Variants in GUCD1 observed in about 807,000 individuals in gnomAD.
GUCD1 encodes the protein protein GUCD1.
GUCD1 carries 17 observed loss-of-function variants against 28.3 expected under a neutral mutation model. The ratio of observed to expected loss-of-function variants is 0.60; its 90% confidence interval spans 0.41 to 0.90. The LOEUF (loss-of-function observed/expected upper bound fraction) is 0.90, where lower values mean the gene tolerates loss of function less well. GUCD1 is among the 40% of genes least tolerant of loss of function. The pLI, the probability that GUCD1 is intolerant of heterozygous loss-of-function variation, is 0.00. For synonymous variants in GUCD1, 129 were observed against 123.3 expected (o/e 1.05, Z -0.30); for missense variants, 279 against 305.5 (o/e 0.91, Z 0.65).
intron 1 of GUCD1, among the ~76,000 whole-genome samples, chr22:24,550,607 T>G (rs899669967): frequency 2.0e-5 from 3 of 152,350 alleles, no homozygotes; most frequent in Middle Eastern, 3.4e-3. Context: ...TGACCAGCTC[T>G]GTGTAGAGCC....
chr22:24,553,905 G>C (rs1232306879), intron 1 of GUCD1, among the ~76,000 whole-genome samples: 2 of 152,248 alleles, frequency 1.3e-5, no homozygotes, highest in African/African-American at 2.4e-5. Flanking sequence ...CCCCATAACA[G>C]CTTTAGCCTT....
chr22:24,548,802 C>T, intron 2 of GUCD1, 115 bp downstream of exon 2: 5 of 765,148 alleles, frequency 6.5e-6, no homozygotes, highest in Non-Finnish European at 1.1e-5. Flanking sequence ...TGGCCTCCTG[C>T]AAGCCCCAAC....
rs1232745228 is a variant in GUCD1, at chr22:24,554,995, C to T, written c.-4G>A. ...CTGCCTCCGCCTCCGTCCTCATGACCCGGGCGGCGCGGGGCGCCCATGGCC... is the reference window on the plus strand; with the variant it reads ...CTGCCTCCGCCTCCGTCCTCATGACTCGGGCGGCGCGGGGCGCCCATGGCC... On this transcript the variant is annotated 5_prime_UTR_variant, in exon 1 of 6. Coordinates refer to ENST00000435822, the MANE Select transcript of GUCD1 (RefSeq NM_001284254.2). The T allele has an allele frequency of 6.6e-7, 1 of 1,522,792 alleles. No individual in the cohort carries two copies. The highest frequency in any genetic ancestry group is 8.8e-7 in the Non-Finnish European group (1 of 1,141,804). 94.3% of individuals were successfully genotyped at this position (1,522,792 alleles called of 1,614,324 possible).
intron 4 of GUCD1, 128 bp from the exon 5 acceptor site, chr22:24,544,211 A>T: frequency 1.5e-6 from 2 of 1,319,238 alleles, no homozygotes; most frequent in Non-Finnish European, 2.1e-6. Flanking sequence ...TTTGCCCTGA[A>T]CTCCCTGCTC....
rs752797722 is a variant in GUCD1 at position 24,547,902 on chromosome 22, G to A, written c.294+6C>T. 2.9e-5 allele frequency: 47 copies of A among 1,613,516 alleles called. No homozygotes were observed. The highest frequency in any genetic ancestry group is 3.6e-5 in the Non-Finnish European group (42 of 1,179,730). On this transcript the variant is annotated splice_donor_region_variant and intron_variant, in intron 3 of 5. Transcript: ENST00000435822. Reference sequence around the variant, plus strand: ...ACATGGGAAGGCCTGGTGGCTGGTCGCTCACCTGGTTCTTGTAGCCCTTGT... The same window carrying A: ...ACATGGGAAGGCCTGGTGGCTGGTCACTCACCTGGTTCTTGTAGCCCTTGT...
upstream of GUCD1, chr22:24,555,400 A>T (rs1489748800): frequency 2.4e-6 from 3 of 1,242,756 alleles, no homozygotes; most frequent in South Asian, 3.3e-5. Context: ...CATTTCCTGA[A>T]TAGAGGCTCG....
Position 24,544,029 on chromosome 22 carries a change from G to T in GUCD1, c.441C>A (p.Ile147=), listed in dbSNP as rs753565838. ...GCAGCACCCCCGAGTTCACCAGCACGATGGCCACATGGCCCTGAGCCAGGT... is the reference window on the plus strand; with the variant it reads ...GCAGCACCCCCGAGTTCACCAGCACTATGGCCACATGGCCCTGAGCCAGGT... ...QAHLAQGHVA[I]VLVNSGVLHC... is the part of the protein sequence containing the mutation. Residue 147 remains isoleucine, a synonymous_variant, in exon 5 of 6, where the codon ATC becomes ATA. Transcript: ENST00000435822. 2.4e-5 allele frequency: 38 copies of T among 1,613,790 alleles called. No individual in the cohort carries two copies. Among genetic ancestry groups the T allele is most frequent in the Admixed American group, 3.3e-5 (2 of 59,980 alleles).
In GUCD1 at chr22:24,548,976, G is replaced by A. The variant is rs747594368; in HGVS notation, c.69C>T (p.Pro23=). ...CCCAGTGGTAGAGCTGCTGGATGAC[G>A]GGCACAGGCAGTTGCACAAAGTCCC... ...EPGDFVQLPV[P]VIQQLYHWDC... is the part of the protein sequence containing the mutation. Residue 23 remains proline (P), a synonymous_variant, in exon 2 of 6, where the codon CCC becomes CCT. Transcript: ENST00000435822. 20 of 1,584,174 alleles carry A rather than the reference G, an allele frequency of 1.3e-5. No homozygotes were observed. The highest frequency in any genetic ancestry group is 2.7e-5 in the African/African-American group (2 of 74,652).
chr22:24,552,203 C>T (rs767161356), intron 1 of GUCD1, among the ~76,000 whole-genome samples: 3 of 152,192 alleles, frequency 2.0e-5, no homozygotes, highest in Non-Finnish European at 2.9e-5. Flanking sequence ...GGCACAGTGG[C>T]ACACACCTGT....
chr22:24,544,954 G>C (rs115593223), intron 4 of GUCD1, among the ~76,000 whole-genome samples: 158 of 152,010 alleles, frequency 1.0e-3, no homozygotes, highest in African/African-American at 3.7e-3. Context: ...TGGGGCTGTA[G>C]CAGTGAGCTG....
At chr22:24,555,182 T>C (rs1005356927), upstream of GUCD1, 2 of 1,299,920 alleles carry the variant, frequency 1.5e-6, no homozygotes, top group Non-Finnish European at 9.7e-7. Flanking sequence ...GTCTCGAATC[T>C]GGAGGCCCCG....
chr22:24,545,301 C>T (rs954748479), intron 4 of GUCD1, among the ~76,000 whole-genome samples: 13 of 152,074 alleles, frequency 8.5e-5, no homozygotes, highest in African/African-American at 2.7e-4. Flanking sequence ...GGCTGAGTTC[C>T]CAGTGGCAGT....
intron 1 of GUCD1, 42 bp from the exon 2 acceptor site, chr22:24,549,043 G>A: frequency 7.1e-7 from 1 of 1,404,210 alleles, no homozygotes; most frequent in Non-Finnish European, 9.9e-7. Context: ...TCAGCGCAGA[G>A]CCCACCACTC....
At chr22:24,548,175 C>T (rs2044779998) in intron 2 of GUCD1, 102 bp from the exon 3 acceptor site, 1 of 941,998 alleles carries the variant, frequency 1.1e-6, no homozygotes, top group Non-Finnish European at 1.6e-6. Flanking sequence ...AGGTCCCATT[C>T]CCCAGAAGTC....
upstream of GUCD1, chr22:24,555,555 C>G: frequency 2.6e-6 from 4 of 1,525,692 alleles, no homozygotes; most frequent in Non-Finnish European, 3.6e-6. Flanking sequence ...GGCAGCCGCT[C>G]TACTCTATAC....
At chr22:24,548,381 T>A (rs1352857605) in intron 2 of GUCD1, among the ~76,000 whole-genome samples, 1 of 152,214 alleles carries the variant, frequency 6.6e-6, no homozygotes, top group African/African-American at 2.4e-5. Context: ...CCTGATCACA[T>A]CAGTGGTTTT....
At chr22:24,555,536 C>A, upstream of GUCD1, 1 of 1,468,190 alleles carries the variant, frequency 6.8e-7, no homozygotes, top group Non-Finnish European at 9.3e-7. Context: ...TTAGGGATAA[C>A]CCTGAGCGGG....
intron 2 of GUCD1, 141 bp from the exon 3 acceptor site, chr22:24,548,214 C>G (rs909720649): frequency 2.9e-6 from 2 of 695,372 alleles, no homozygotes; most frequent in African/African-American, 3.6e-5. Context: ...ACCCTAGGTC[C>G]TGCCCACACA....
intron 1 of GUCD1, among the ~76,000 whole-genome samples, chr22:24,553,569 T>C (rs2147101898): frequency 6.6e-6 from 1 of 152,262 alleles, no homozygotes; most frequent in East Asian, 1.9e-4. Context: ...GCACCCCTCC[T>C]CCCCCAGGCT....
Sources: allele counts gnomAD v4.1 joint callset (sites outside exome capture counted in the v4.1 genomes callset), GRCh38; gene constraint gnomAD v4.1.1; transcripts MANE v1.5; gene names NCBI Gene and HGNC (gene_info 2026-07-23, HGNC 2026-07-21).